Variants in DCC observed in about 807,000 individuals in gnomAD.
DCC encodes the protein netrin receptor DCC.
A neutral mutation model predicts 172.5 loss-of-function variants in DCC; 58 were observed. The ratio of observed to expected loss-of-function variants is 0.34; its 90% CI spans 0.27 to 0.42. DCC has a LOEUF of 0.42. DCC is among the 10% of genes least tolerant of loss of function. DCC has a pLI of 1.00. For missense variants in DCC, 1,740 were observed against 1,791.0 expected, an observed-to-expected ratio of 0.97 and a Z score of 0.51; for synonymous variants, 709 against 644.5, an observed-to-expected ratio of 1.10 and a Z score of -1.52.
chr18:53,048,346 A>T (rs1004641983), intron 5 of DCC, among the ~76,000 whole-genome samples: 8 of 151,284 alleles, frequency 5.3e-5, no homozygotes, highest in African/African-American at 1.7e-4. Context: ...CTTGTTGTTT[A>T]GCTCCCGCTT....
intron 3 of DCC, among the ~76,000 whole-genome samples, chr18:52,912,785 C>G (rs2039989173): frequency 6.6e-6 from 1 of 151,974 alleles, no homozygotes; most frequent in African/African-American, 2.4e-5. Context: ...AATCTTTTCA[C>G]TATAAAGGAT....
chr18:52,427,366 T>A (rs1987463726), intron 1 of DCC, among the ~76,000 whole-genome samples: 1 of 151,514 alleles, frequency 6.6e-6, no homozygotes, highest in Non-Finnish European at 1.5e-5. Context: ...TTTTTGAGAA[T>A]TTTTTTTAAA....
chr18:52,579,039 A>G (rs1310189279), intron 1 of DCC, among the ~76,000 whole-genome samples: 1 of 152,234 alleles, frequency 6.6e-6, no homozygotes. Context: ...AGGTAATTTA[A>G]GCAACTGCTT....
At chr18:53,003,203 A>G (rs1361835732) in intron 5 of DCC, among the ~76,000 whole-genome samples, 2 of 140,918 alleles carry the variant, frequency 1.4e-5, no homozygotes, top group African/African-American at 2.5e-5. Context: ...TGGCTTCTCA[A>G]TGGTCAGACC....
At chr18:53,146,982 G>T (rs955835934) in intron 7 of DCC, among the ~76,000 whole-genome samples, 1 of 152,022 alleles carries the variant, frequency 6.6e-6, no homozygotes, top group Non-Finnish European at 1.5e-5. Flanking sequence ...CTTTTCTAGA[G>T]GAATTAATAT....
intron 2 of DCC, among the ~76,000 whole-genome samples, chr18:52,877,479 T>C (rs1961700275): frequency 2.0e-5 from 3 of 151,938 alleles, no homozygotes; most frequent in Admixed American, 2.0e-4. Flanking sequence ...GAGGCTGAGG[T>C]GGGTAGATCA....
At chr18:53,385,030 T>C (rs112336047) in intron 15 of DCC, among the ~76,000 whole-genome samples, 6 of 150,964 alleles carry the variant, frequency 4.0e-5, no homozygotes, top group Admixed American at 3.9e-4. Context: ...TCTTTTTTTT[T>C]TTTTTTTTGT....
chr18:53,496,259 G>A (rs1568168297), intron 26 of DCC, among the ~76,000 whole-genome samples: 1 of 152,180 alleles, frequency 6.6e-6, no homozygotes, highest in African/African-American at 2.4e-5. Context: ...GGAAGGTACA[G>A]GCAGCAAACT....
At chr18:53,472,168 G>C (rs1257603379) in intron 25 of DCC, among the ~76,000 whole-genome samples, 1 of 152,102 alleles carries the variant, frequency 6.6e-6, no homozygotes, top group Non-Finnish European at 1.5e-5. Context: ...AATGCCAGCT[G>C]TTCAAGTCAT....
intron 3 of DCC, among the ~76,000 whole-genome samples, chr18:52,917,242 C>T (rs762724930): frequency 2.9e-4 from 44 of 151,976 alleles, no homozygotes; most frequent in Middle Eastern, 3.4e-3. Flanking sequence ...TGGCTTGAGC[C>T]AGGGAGGTGG....
chr18:52,912,086 T>A (rs543805011), intron 3 of DCC, among the ~76,000 whole-genome samples: 1 of 152,248 alleles, frequency 6.6e-6, no homozygotes, highest in South Asian at 2.1e-4. Flanking sequence ...CAACTTGAAC[T>A]GTTATAGTAA....
At chr18:52,392,609 G>C (rs1203439572) in intron 1 of DCC, among the ~76,000 whole-genome samples, 1 of 151,982 alleles carries the variant, frequency 6.6e-6, no homozygotes, top group African/African-American at 2.4e-5. Context: ...TAATATCAGG[G>C]GCTTAAGAAT....
intron 5 of DCC, among the ~76,000 whole-genome samples, chr18:53,032,983 A>C (rs2042045397): frequency 6.6e-6 from 1 of 152,144 alleles, no homozygotes. Context: ...AAGACTCTTA[A>C]TGAGTTGAGA....
rs555939350 is a variant in DCC at position 53,118,540 on chromosome 18, G to A, written c.1262-38816G>A. Among the ~76,000 whole-genome samples, 4 of 151,692 alleles carry A rather than the reference G, an allele frequency of 2.6e-5. No individual in the cohort carries two copies. The South Asian group carries it at 8.3e-4, about 32-fold the overall frequency. On this transcript the variant is annotated intron_variant, in intron 7 of 28. Coordinates refer to ENST00000442544, the MANE Select transcript of DCC (RefSeq NM_005215.4). ...TCCAACACTTATATTCATTCCTTTG[G>A]GAAGAATTCCAGAAGTGGAATTACT...
intron 1 of DCC, among the ~76,000 whole-genome samples, chr18:52,540,438 AT>A (rs1233751867): frequency 6.6e-6 from 1 of 151,958 alleles, no homozygotes. Flanking sequence ...AAAAAAAACC[AT>A]ATTTTAAAAA....
intron 2 of DCC, among the ~76,000 whole-genome samples, chr18:52,885,160 C>A (rs1209893232): frequency 9.2e-5 from 14 of 152,092 alleles, no homozygotes; most frequent in Admixed American, 9.2e-4. Flanking sequence ...CACTACCTGG[C>A]TACCACCTAT....
At position 52,759,075 on chromosome 18, in the gene DCC, A is replaced by C. The variant is rs542425175; in HGVS notation, c.412+6701A>C. 5.9e-5 allele frequency: 9 copies of C among 152,270 alleles called. No homozygotes were observed. In the East Asian group the frequency reaches 9.6e-4, roughly 16 times the overall value. 9.4% of individuals were successfully genotyped at this position (152,270 alleles called of 1,614,324 possible). ...GAGAGAAAGAAAAAATAAGAAATAA[A>C]TGTGGTCTTATAAGTAACTGTTATA... is the stretch of plus-strand genomic sequence containing the variant. On this transcript the variant is annotated intron_variant, in intron 2 of 28. Coordinates refer to ENST00000442544, the MANE Select transcript of DCC (RefSeq NM_005215.4).
At chr18:53,413,088 T>C (rs984917127) in intron 20 of DCC, among the ~76,000 whole-genome samples, 23 of 152,174 alleles carry the variant, frequency 1.5e-4, no homozygotes, top group African/African-American at 4.6e-4. Flanking sequence ...GGGTTTTTCC[T>C]GCTGATAAAG....
intron 1 of DCC, among the ~76,000 whole-genome samples, chr18:52,494,099 G>A (rs944888224): frequency 1.3e-5 from 2 of 152,002 alleles, no homozygotes; most frequent in African/African-American, 4.8e-5. Context: ...TTTTTGCTGG[G>A]TATAGAATTC....
Sources: gnomAD v4.1 joint callset for allele counts (sites outside exome capture counted in the v4.1 genomes callset) on GRCh38, gnomAD v4.1.1 for gene constraint, MANE v1.5 for transcripts, NCBI Gene and HGNC (gene_info 2026-07-23, HGNC 2026-07-21) for gene names.